Variants in FRMPD3 observed in about 807,000 individuals in gnomAD.
FRMPD3 encodes FERM and PDZ domain-containing protein 3.
In FRMPD3, 42 loss-of-function variants were observed where a neutral mutation model predicts 97.9. That is an observed-to-expected ratio of 0.43 (90% CI 0.34 to 0.55). The LOEUF (loss-of-function observed/expected upper bound fraction) is 0.55, where lower values mean the gene tolerates loss of function less well. Ranked by LOEUF, FRMPD3 falls within the 20% of genes least tolerant of loss-of-function variation. The pLI is 0.03. For synonymous variants in FRMPD3, 577 were observed against 581.1 expected, an observed-to-expected ratio of 0.99 and a Z score of 0.10; for missense variants, 1,303 against 1,457.7, an observed-to-expected ratio of 0.89 and a Z score of 1.73.
At chrX:107,509,910 G>T (rs1922125512) in intron 1 of FRMPD3, among the ~76,000 whole-genome samples, 1 of 111,241 alleles carries the variant, frequency 9.0e-6, no homozygotes, top group Non-Finnish European at 1.9e-5. Context: ...CATAGTAGGT[G>T]CTCAGTAAAC....
chrX:107,465,383 ATGACT>A (rs1931540426), intron 1 of FRMPD3, among the ~76,000 whole-genome samples: 1 of 111,407 alleles, frequency 9.0e-6, no homozygotes, highest in South Asian at 3.8e-4. Flanking sequence ...AGGGAGGAGA[ATGACT>A]TGAACCCAGG....
chrX:107,484,989 A>G (rs187262336), intron 1 of FRMPD3, among the ~76,000 whole-genome samples: 6 of 112,622 alleles, frequency 5.3e-5, no homozygotes, highest in African/African-American at 1.9e-4. Context: ...TAATTGGGAA[A>G]GCCAAAGATC....
At chrX:107,554,343 T>A (rs1921988780) in intron 7 of FRMPD3, 42 bp from the exon 8 acceptor site, 2 of 1,183,644 alleles carry the variant, frequency 1.7e-6, no homozygotes, top group African/African-American at 3.5e-5. Flanking sequence ...AGCCATTGAT[T>A]CCAGATCTCT....
chrX:107,575,922 A>G (rs1300585436), intron 12 of FRMPD3, among the ~76,000 whole-genome samples: 1 of 111,560 alleles, frequency 9.0e-6, no homozygotes, highest in Non-Finnish European at 1.9e-5. Context: ...CTTAGAATCG[A>G]GGGTGTTCTA....
intron 5 of FRMPD3, among the ~76,000 whole-genome samples, chrX:107,549,263 C>T (rs61202879): frequency 0.14 from 15,016 of 107,548 alleles, 2,542 homozygotes; most frequent in African/African-American, 0.47. Flanking sequence ...GCAGAGGTTG[C>T]AGCGAGCCGA....
rs367997323 is a variant in FRMPD3, at chrX:107,603,229, A to G, written c.5190A>G (p.Gln1730=). 63 of 1,167,604 alleles carry G rather than the reference A, an allele frequency of 5.4e-5. No homozygotes were observed. The highest frequency in any genetic ancestry group is 3.0e-4 in the African/African-American group (17 of 56,062). The change falls in exon 15 of 15, where the codon CAA becomes CAG. Residue 1730 remains glutamine (Q), a synonymous_variant. Coordinates refer to ENST00000683843, the MANE Select transcript of FRMPD3 (RefSeq NM_001388459.1). ...AACAACAGCAGCAGCAGCAACAACA[A>G]CAGCAGCAGCAACAACAACAGCAGC... The part of the protein sequence containing the change: ...QQQQQQQQQQ[Q]QQQQQQQQQQ...
chrX:107,516,120 G>A (rs1158349982), intron 1 of FRMPD3, among the ~76,000 whole-genome samples: 2 of 102,489 alleles, frequency 2.0e-5, no homozygotes, highest in Non-Finnish European at 2.0e-5. Flanking sequence ...GTGAGAACAT[G>A]TGGTGTTTGG....
At chrX:107,460,500 C>G (rs369629767) in intron 1 of FRMPD3, among the ~76,000 whole-genome samples, 3 of 109,745 alleles carry the variant, frequency 2.7e-5, no homozygotes, top group East Asian at 5.7e-4. Context: ...AAGTAATCCT[C>G]CCACCTCAGC....
intron 2 of FRMPD3, among the ~76,000 whole-genome samples, chrX:107,528,869 G>A (rs1198541777): frequency 2.7e-5 from 3 of 113,062 alleles, no homozygotes; most frequent in African/African-American, 9.6e-5. Context: ...TGCTCCTCGA[G>A]CAATGAATCC....
intron 1 of FRMPD3, among the ~76,000 whole-genome samples, chrX:107,473,573 C>A (rs1921119769): frequency 8.9e-6 from 1 of 111,972 alleles, no homozygotes; most frequent in Non-Finnish European, 1.9e-5. Flanking sequence ...CTTTTGGAGC[C>A]CCACAAACTT....
Position 107,459,285 on chromosome X carries a change from A to T in FRMPD3, c.-8+9280A>T, listed in dbSNP as rs146547400. Among the ~76,000 whole-genome samples the T allele has an allele frequency of 1.1e-4, 12 of 112,620 alleles. No individual in the cohort carries two copies. The East Asian group carries it at 3.1e-3, about 29-fold the overall frequency. ...AGGCTTCTGAGAGCTGGTAAGAGTG[A>T]GGAAACATCTTTCAACTTCCCTGGT... On this transcript the variant is annotated intron_variant, in intron 1 of 14. Coordinates refer to ENST00000683843, the MANE Select transcript of FRMPD3 (RefSeq NM_001388459.1).
rs888598153 is a variant in FRMPD3 at position 107,579,319 on chromosome X, C to T, written c.1441+2860C>T. ...CCAGCAACTGGGAAAGTGAAAACAT[C>T]ACCTTCCTTCAAGTCTCAGAAAAAA... On this transcript the variant is annotated intron_variant, in intron 13 of 14. Coordinates refer to ENST00000683843, the MANE Select transcript of FRMPD3 (RefSeq NM_001388459.1). 3.6e-5 allele frequency among the ~76,000 whole-genome samples: 4 copies of T among 112,037 alleles called. No individual in the cohort carries two copies. In the Admixed American group the frequency reaches 3.8e-4, roughly 11 times the overall value.
At chrX:107,564,281 A>G (rs1922506116) in intron 11 of FRMPD3, among the ~76,000 whole-genome samples, 1 of 112,680 alleles carries the variant, frequency 8.9e-6, no homozygotes, top group Non-Finnish European at 1.9e-5. Flanking sequence ...TACCACTGCT[A>G]AAATTTCTAT....
intron 1 of FRMPD3, among the ~76,000 whole-genome samples, chrX:107,524,883 C>T (rs780778190): frequency 4.6e-4 from 49 of 107,523 alleles, no homozygotes; most frequent in Non-Finnish European, 9.0e-4. Context: ...ATCCCAGCTA[C>T]TCTCCTGGAG....
At chrX:107,572,415 T>C (rs142940465) in intron 12 of FRMPD3, among the ~76,000 whole-genome samples, 2,205 of 111,788 alleles carry the variant, frequency 0.02, 25 homozygotes, top group Non-Finnish European at 0.029. Context: ...TGTAAGGCAG[T>C]TGGATTTTCT....
intron 13 of FRMPD3, among the ~76,000 whole-genome samples, chrX:107,591,796 T>C (rs1923915133): frequency 9.0e-6 from 1 of 111,557 alleles, no homozygotes; most frequent in Non-Finnish European, 1.9e-5. Context: ...TTGTATATAT[T>C]TGTGGGGTAC....
At chrX:107,547,910 G>A (rs1406525907) in intron 5 of FRMPD3, among the ~76,000 whole-genome samples, 1 of 111,648 alleles carries the variant, frequency 9.0e-6, no homozygotes, top group Non-Finnish European at 1.9e-5. Flanking sequence ...GGGATCCGGG[G>A]CCGCTGGGCC....
chrX:107,459,630 G>A (rs1369110663), intron 1 of FRMPD3, among the ~76,000 whole-genome samples: 1 of 112,465 alleles, frequency 8.9e-6, no homozygotes, highest in Non-Finnish European at 1.9e-5. Flanking sequence ...AGGGATATTT[G>A]TGAGATTTTA....
At chrX:107,506,635 C>G (rs1922033774) in intron 1 of FRMPD3, among the ~76,000 whole-genome samples, 2 of 112,437 alleles carry the variant, frequency 1.8e-5, no homozygotes, top group Admixed American at 1.9e-4. Context: ...CCAGCCTATC[C>G]CTTCCCAGGT....
Sources: allele counts gnomAD v4.1 joint callset (sites outside exome capture counted in the v4.1 genomes callset), GRCh38; gene constraint gnomAD v4.1.1; transcripts MANE v1.5; gene names NCBI Gene and HGNC (gene_info 2026-07-23, HGNC 2026-07-21).